POU6F1: variants seen among roughly 807,000 people sequenced by gnomAD.
The protein encoded by POU6F1 is POU class 6 homeobox 1, also known as POU domain, class 6, transcription factor 1.
A neutral mutation model predicts 28.9 loss-of-function variants in POU6F1; 9 were observed. That is an observed-to-expected ratio of 0.31 (90% CI 0.19 to 0.54). POU6F1 has a LOEUF of 0.54. Among genes scored for constraint, POU6F1 ranks in the 20% least tolerant of loss-of-function variants. POU6F1 has a pLI of 0.94. For missense variants in POU6F1, 338 were observed against 426.1 expected, an observed-to-expected ratio of 0.79 and a Z score of 1.82; for synonymous variants, 173 against 171.1, an observed-to-expected ratio of 1.01 and a Z score of -0.09.
intron 1 of POU6F1, among the ~76,000 whole-genome samples, chr12:51,212,820 T>C (rs1203567728): frequency 7.2e-6 from 1 of 138,710 alleles, no homozygotes; most frequent in Non-Finnish European, 1.5e-5. Context: ...TAGTCCAATA[T>C]GGGAGTCAAG....
intron 9 of POU6F1, 122 bp from the exon 10 acceptor site, chr12:51,191,886 C>T: frequency 2.5e-6 from 3 of 1,214,186 alleles, no homozygotes; most frequent in African/African-American, 1.5e-5. Context: ...AAGGCTCACG[C>T]ACCTTCAAGA....
In POU6F1 at chr12:51,190,654, C is replaced by T. The variant is rs1592133305; in HGVS notation, c.1491-62G>A. 7.6e-6 allele frequency: 12 copies of T among 1,569,624 alleles called. No individual in the cohort carries two copies. The highest frequency in any genetic ancestry group is 7.2e-5 in the Admixed American group (4 of 55,752). Reference sequence around the variant, plus strand: ...GCATGTTGGTCTCTTTGGCACACCCCGCACCTAGGTGCAGGCTCCATCCTC... The same window carrying T: ...GCATGTTGGTCTCTTTGGCACACCCTGCACCTAGGTGCAGGCTCCATCCTC... On this transcript the variant is annotated intron_variant, in intron 10 of 10. Coordinates refer to ENST00000333640, the MANE Select transcript of POU6F1 (RefSeq NM_001330422.2). This position sits in a 1 kb window ranked among gnomAD's most constrained non-coding sequence, Gnocchi z 4.5.
intron 1 of POU6F1, among the ~76,000 whole-genome samples, chr12:51,214,157 T>A (rs966922629): frequency 3.0e-4 from 46 of 151,030 alleles, no homozygotes; most frequent in Admixed American, 2.1e-3. Context: ...AATAAATAAA[T>A]AAAAATAAAT....
chr12:51,209,904 C>A (rs1404275049), intron 1 of POU6F1, among the ~76,000 whole-genome samples: 1 of 152,108 alleles, frequency 6.6e-6, no homozygotes, highest in Non-Finnish European at 1.5e-5. Flanking sequence ...AACTGGTGAG[C>A]ATCTAACTAC....
chr12:51,203,904 C>G (rs1943392267), intron 3 of POU6F1, among the ~76,000 whole-genome samples: 1 of 152,150 alleles, frequency 6.6e-6, no homozygotes, highest in Non-Finnish European at 1.5e-5. Context: ...GTGCAACCCC[C>G]TAAGCGGAGC....
chr12:51,217,005 A>G lies in POU6F1; in HGVS notation c.-48+637T>C, dbSNP rs939127165. ...GGCCCATTATTATGACTATTTATTA[A>G]TAATAATATCGATATTAAATATTTA... On this transcript the variant is annotated intron_variant, in intron 1 of 10. Coordinates refer to ENST00000333640, the MANE Select transcript of POU6F1 (RefSeq NM_001330422.2). This position sits in a 1 kb window ranked among gnomAD's most constrained non-coding sequence, Gnocchi z 5.3. 6.6e-6 allele frequency among the ~76,000 whole-genome samples: 1 copy of G among 152,168 alleles called. No homozygotes were observed. The highest frequency in any genetic ancestry group is 2.1e-4 in the South Asian group (1 of 4,830).
intron 1 of POU6F1, among the ~76,000 whole-genome samples, chr12:51,211,012 G>C (rs1366011898): frequency 6.6e-6 from 1 of 152,216 alleles, no homozygotes; most frequent in Admixed American, 6.5e-5. Flanking sequence ...CCATCTCCTT[G>C]TCAGGAACTT....
At chr12:51,195,508 A>G (rs944132385) in intron 8 of POU6F1, among the ~76,000 whole-genome samples, 23 of 46,424 alleles carry the variant, frequency 5.0e-4, no homozygotes, top group African/African-American at 2.4e-3. Flanking sequence ...CAGCACTTGG[A>G]ATAATAGTAG....
chr12:51,197,399 G>A (rs1270698635), intron 6 of POU6F1, among the ~76,000 whole-genome samples: 2 of 152,106 alleles, frequency 1.3e-5, no homozygotes, highest in African/African-American at 4.8e-5. Flanking sequence ...CATATCTAAC[G>A]CCTCCCACTG....
At chr12:51,216,340 G>C (rs1323812087) in intron 1 of POU6F1, among the ~76,000 whole-genome samples, 2 of 152,182 alleles carry the variant, frequency 1.3e-5, no homozygotes, top group African/African-American at 4.8e-5. Context: ...CTGCCAGCTA[G>C]TACTTCCAGG....
chr12:51,193,519 T>TA (rs1283370448), intron 8 of POU6F1, among the ~76,000 whole-genome samples: 3 of 151,960 alleles, frequency 2.0e-5, no homozygotes, highest in Non-Finnish European at 4.4e-5. Context: ...GAGATTGCAG[T>TA]AAGCCGAGAG....
intron 8 of POU6F1, 32 bp downstream of exon 8, chr12:51,195,938 G>GGCCCCCCC: frequency 1.1e-6 from 1 of 916,160 alleles, no homozygotes; most frequent in Non-Finnish European, 1.7e-6. Context: ...AGCAGAGCCT[G>GGCCCCCCC]CCCCACCCCC....
rs1942075848 is a variant in POU6F1, at chr12:51,187,146, G to C, written c.*3101C>G. The C allele has an allele frequency of 6.6e-6, 1 of 152,170 alleles. No individual in the cohort carries two copies. The highest frequency in any genetic ancestry group is 1.5e-5 in the Non-Finnish European group (1 of 68,030). 9.4% of individuals were successfully genotyped at this position (152,170 alleles called of 1,614,324 possible). A position where few individuals can be genotyped will look rare whatever the true frequency, so the allele number is the denominator to read the frequency against. On this transcript the variant is annotated 3_prime_UTR_variant, in exon 11 of 11. Coordinates refer to ENST00000333640, the MANE Select transcript of POU6F1 (RefSeq NM_001330422.2). The stretch of plus-strand genomic sequence containing the variant: ...TTTCCAAGAACACAAAAATGTCAGA[G>C]TCTCGCATTCCAAACTCGTGTGTTC...
chr12:51,213,178 T>C (rs1432927499), intron 1 of POU6F1, among the ~76,000 whole-genome samples: 1 of 152,042 alleles, frequency 6.6e-6, no homozygotes, highest in Non-Finnish European at 1.5e-5. Flanking sequence ...CTCAGATGAT[T>C]CACCCGCCTT....
At position 51,190,231 on chromosome 12, in the gene POU6F1, G is replaced by A. The variant is rs1490288195; in HGVS notation, c.*16C>T. ...AAATGGACAAAGTGCTAGAACACAG[G>A]GCCAGGGGCTGAGCCCTAAGGGATC... On this transcript the variant is annotated 3_prime_UTR_variant, in exon 11 of 11. Transcript: ENST00000333640. The surrounding 1 kb of genome is among the most constrained non-coding windows in gnomAD (Gnocchi z 4.5). 2 of 1,612,294 alleles carry A rather than the reference G, an allele frequency of 1.2e-6. No individual in the cohort carries two copies. The highest frequency in any genetic ancestry group is 1.7e-5 in the Admixed American group (1 of 59,880).
chr12:51,210,627 T>C (rs1442911527), intron 1 of POU6F1, among the ~76,000 whole-genome samples: 1 of 152,166 alleles, frequency 6.6e-6, no homozygotes, highest in Non-Finnish European at 1.5e-5. Flanking sequence ...AAGGCTTGGG[T>C]GATTCTGATA....
chr12:51,194,368 C>T (rs571419898), intron 8 of POU6F1, among the ~76,000 whole-genome samples: 4 of 152,198 alleles, frequency 2.6e-5, no homozygotes, highest in South Asian at 2.1e-4. Context: ...CAGCTGGGCA[C>T]GGTGTCACAT....
chr12:51,190,226 C>G lies in POU6F1; in HGVS notation c.*21G>C, dbSNP rs137997442. The G allele has an allele frequency of 7.4e-6, 12 of 1,610,808 alleles. No individual in the cohort carries two copies. In the East Asian group the frequency reaches 2.7e-4, roughly 36 times the overall value. ...ACGGGAAATGGACAAAGTGCTAGAACACAGGGCCAGGGGCTGAGCCCTAAG... is the reference window on the plus strand; with the variant it reads ...ACGGGAAATGGACAAAGTGCTAGAAGACAGGGCCAGGGGCTGAGCCCTAAG... On this transcript the variant is annotated 3_prime_UTR_variant, in exon 11 of 11. Coordinates refer to ENST00000333640, the MANE Select transcript of POU6F1 (RefSeq NM_001330422.2). The surrounding 1 kb of genome is among the most constrained non-coding windows in gnomAD (Gnocchi z 4.5).
At chr12:51,209,304 C>T (rs916039240) in intron 1 of POU6F1, among the ~76,000 whole-genome samples, 4 of 152,196 alleles carry the variant, frequency 2.6e-5, no homozygotes, top group African/African-American at 7.2e-5. Context: ...CCACTGCCAC[C>T]GCCCAAGCCC....
Sources: gnomAD v4.1 joint callset for allele counts (sites outside exome capture counted in the v4.1 genomes callset) on GRCh38, gnomAD v4.1.1 for gene constraint, Gnocchi (gnomAD v3.1) non-coding constraint, MANE v1.5 for transcripts, NCBI Gene and HGNC (gene_info 2026-07-23, HGNC 2026-07-21) for gene names.